SPAST: variants seen among roughly 807,000 people sequenced by gnomAD.
The protein encoded by SPAST is spastin, also known as spastic paraplegia 4 (autosomal dominant; spastin).
In SPAST, 30 loss-of-function variants were observed where a neutral mutation model predicts 76.6. The observed-to-expected ratio is 0.39, with a 90% CI of 0.29 to 0.53. The LOEUF is 0.53. SPAST is among the 20% of genes least tolerant of loss of function. The probability of loss-of-function intolerance (pLI) is 0.68; values close to 1 mark genes in which losing one functional copy is unlikely to be tolerated. For synonymous variants in SPAST, 305 were observed against 281.0 expected (o/e 1.09, Z -0.86); for missense variants, 717 against 770.5 (o/e 0.93, Z 0.82).
chr2:32,127,117 G>C (rs545850956), intron 8 of SPAST, 95 bp downstream of exon 8: 1 of 869,356 alleles, frequency 1.2e-6, no homozygotes, highest in South Asian at 1.4e-5. Flanking sequence ...TATTATTTAC[G>C]ACTTGCTTTT....
rs1271058224 is a variant in SPAST at position 32,063,839 on chromosome 2, C to A, written c.8C>A (p.Ser3Tyr). The A allele has an allele frequency of 1.3e-6, 2 of 1,575,810 alleles. No individual in the cohort carries two copies. The highest frequency in any genetic ancestry group is 1.7e-6 in the Non-Finnish European group (2 of 1,168,696). Residue 3 changes from serine (S) to tyrosine (Y), a missense_variant, in exon 1 of 17, where the codon TCT (serine) becomes TAT (tyrosine). Ser to Tyr is a moderately radical substitution (Grantham distance 144). This residue lies in a region of SPAST where 543 missense variants were observed against 445.2 expected (regional missense o/e 1.22). Coordinates refer to ENST00000315285, the MANE Select transcript of SPAST (RefSeq NM_014946.4). ...CGGCAGTGAGAGCTGTGAATGAATT[C>A]TCCGGGTGGACGAGGGAAGAAGAAA... MN[S>Y]PGGRGKKKGS...
At chr2:32,097,259 T>TC (rs1677950975) in intron 3 of SPAST, among the ~76,000 whole-genome samples, 1 of 151,852 alleles carries the variant, frequency 6.6e-6, no homozygotes, top group Admixed American at 6.6e-5. Flanking sequence ...TTGGGAGGGG[T>TC]TTTTGTTGTT....
At chr2:32,141,648 ATTTTG>A (rs1417889038) in intron 12 of SPAST, among the ~76,000 whole-genome samples, 1 of 152,216 alleles carries the variant, frequency 6.6e-6, no homozygotes, top group Non-Finnish European at 1.5e-5. Flanking sequence ...TATATCAGAT[ATTTTG>A]TTTGTTTTAA....
chr2:32,064,390 G>A, intron 1 of SPAST, 144 bp downstream of exon 1: 1 of 736,560 alleles, frequency 1.4e-6, no homozygotes, highest in South Asian at 1.8e-5. Context: ...CTGCTTTCCC[G>A]TAGGTCGGAG....
intron 7 of SPAST, among the ~76,000 whole-genome samples, chr2:32,123,331 T>C (rs577777640): frequency 1.3e-5 from 2 of 152,138 alleles, no homozygotes; most frequent in African/African-American, 4.8e-5. Context: ...TAACAAAGTT[T>C]GTTGTAGAAG....
intron 7 of SPAST, among the ~76,000 whole-genome samples, chr2:32,119,239 A>G (rs1364150525): frequency 6.6e-6 from 1 of 152,164 alleles, no homozygotes; most frequent in African/African-American, 2.4e-5. Context: ...TCAGCGTTTC[A>G]CAATAGACTC....
At chr2:32,134,903 C>A (rs1042227973) in intron 9 of SPAST, among the ~76,000 whole-genome samples, 1 of 151,174 alleles carries the variant, frequency 6.6e-6, no homozygotes, top group Non-Finnish European at 1.5e-5. Context: ...ACCATGTTGG[C>A]CAGGCTGGTC....
chr2:32,140,947 T>TGTTGTTGTTG (rs1558339243), intron 12 of SPAST, among the ~76,000 whole-genome samples: 1 of 148,940 alleles, frequency 6.7e-6, no homozygotes, highest in Non-Finnish European at 1.5e-5. Flanking sequence ...GTTGTTGTTT[T>TGTTGTTGTTG]TTTTTTTTTT....
At chr2:32,144,216 CCTTT>C (rs1225888062) in intron 14 of SPAST, among the ~76,000 whole-genome samples, 3 of 152,190 alleles carry the variant, frequency 2.0e-5, no homozygotes, top group South Asian at 2.1e-4. Flanking sequence ...CTACTCCAGA[CCTTT>C]CTGTCTATCC....
intron 9 of SPAST, among the ~76,000 whole-genome samples, chr2:32,130,950 A>C (rs1445376256): frequency 1.3e-5 from 2 of 152,184 alleles, no homozygotes; most frequent in African/African-American, 2.4e-5. Context: ...CTGTACCTAT[A>C]GACATGTATG....
intron 1 of SPAST, among the ~76,000 whole-genome samples, chr2:32,082,746 CAT>C (rs1278593359): frequency 2.0e-5 from 3 of 151,992 alleles, no homozygotes; most frequent in African/African-American, 7.2e-5. Context: ...CACTGCATGT[CAT>C]ATATAAATGG....
intron 9 of SPAST, among the ~76,000 whole-genome samples, chr2:32,135,181 G>A (rs546825339): frequency 2.6e-5 from 4 of 151,470 alleles, no homozygotes; most frequent in African/African-American, 9.7e-5. Context: ...CCGGGCTGGA[G>A]TGCAGTGGTA....
intron 4 of SPAST, among the ~76,000 whole-genome samples, chr2:32,110,551 CTATATAGTGTGTATAT>C (rs2148727954): frequency 1.8e-5 from 1 of 54,176 alleles, no homozygotes; most frequent in Non-Finnish European, 3.6e-5. Flanking sequence ...TATATATATA[CTATATAGTGTGTATAT>C]ATAGTATATA....
intron 10 of SPAST, 54 bp from the exon 11 acceptor site, chr2:32,136,823 A>G (rs778679102): frequency 1.1e-5 from 16 of 1,399,100 alleles, no homozygotes; most frequent in Non-Finnish European, 1.5e-5. Context: ...TTAATCTCAG[A>G]TGACTCACAT....
At chr2:32,114,524 G>A in intron 4 of SPAST, 114 bp from the exon 5 acceptor site, 1 of 808,490 alleles carries the variant, frequency 1.2e-6, no homozygotes, top group South Asian at 1.6e-5. Context: ...ATCTTATTTT[G>A]AAATATTTTT....
intron 1 of SPAST, among the ~76,000 whole-genome samples, chr2:32,069,246 A>C (rs548806235): frequency 9.5e-4 from 143 of 151,206 alleles, no homozygotes; most frequent in African/African-American, 3.4e-3. Flanking sequence ...CTGAGTTTAT[A>C]TTGTTATGGT....
At chr2:32,100,681 G>A (rs541628440) in intron 4 of SPAST, among the ~76,000 whole-genome samples, 1 of 152,010 alleles carries the variant, frequency 6.6e-6, no homozygotes, top group Non-Finnish European at 1.5e-5. Flanking sequence ...TCATTGTTCA[G>A]TTCCCATCTG....
intron 14 of SPAST, among the ~76,000 whole-genome samples, 170 bp downstream of exon 14, chr2:32,143,585 T>C (rs1382947639): frequency 6.6e-6 from 1 of 152,206 alleles, no homozygotes; most frequent in East Asian, 1.9e-4. Context: ...TGTTCTTATA[T>C]ATATATGTGG....
intron 5 of SPAST, among the ~76,000 whole-genome samples, 199 bp from the exon 6 acceptor site, chr2:32,115,503 C>G (rs1678793210): frequency 1.3e-5 from 2 of 152,132 alleles, no homozygotes; most frequent in African/African-American, 4.8e-5. Flanking sequence ...ATAAAATCCT[C>G]TATAACTGAC....
Sources: allele counts gnomAD v4.1 joint callset (sites outside exome capture counted in the v4.1 genomes callset), GRCh38; gene constraint gnomAD v4.1.1; regional missense constraint gnomAD v4.1.1; transcripts MANE v1.5; gene names NCBI Gene and HGNC (gene_info 2026-07-23, HGNC 2026-07-21).